Variants in DNAH9 observed in about 807,000 individuals in gnomAD.
DNAH9 encodes DNAH9 variant protein.
Under a neutral mutation model 471.6 loss-of-function variants are expected in DNAH9, and 345 were observed. The ratio of observed to expected loss-of-function variants is 0.73; its 90% CI spans 0.67 to 0.80. The LOEUF (loss-of-function observed/expected upper bound fraction) is 0.80, where lower values mean the gene tolerates loss of function less well. DNAH9 is among the 30% of genes least tolerant of loss of function. The pLI is 0.00. For missense variants in DNAH9, 5,407 were observed against 5,609.2 expected (o/e 0.96, Z 1.15); for synonymous variants, 2,093 against 2,123.6 (o/e 0.99, Z 0.40).
intron 17 of DNAH9, among the ~76,000 whole-genome samples, chr17:11,671,127 G>T (rs2073965273): frequency 1.3e-5 from 2 of 152,246 alleles, no homozygotes; most frequent in South Asian, 4.1e-4. Flanking sequence ...AGATGCCCCA[G>T]GATGGAGCAC....
intron 43 of DNAH9, among the ~76,000 whole-genome samples, chr17:11,805,887 G>T (rs893261671): frequency 1.3e-5 from 2 of 151,650 alleles, no homozygotes; most frequent in African/African-American, 2.4e-5. Context: ...AATGTTTCAC[G>T]CATCCAGACT....
intron 24 of DNAH9, among the ~76,000 whole-genome samples, chr17:11,703,934 C>T (rs532563938): frequency 1.3e-5 from 2 of 152,162 alleles, no homozygotes. Flanking sequence ...TAGAAGGCAC[C>T]GGCCTTGATC....
intron 28 of DNAH9, among the ~76,000 whole-genome samples, chr17:11,730,529 T>A (rs527793395): frequency 1.1e-4 from 16 of 152,296 alleles, no homozygotes; most frequent in Admixed American, 3.3e-4. Context: ...GAATAAGGAA[T>A]AATGCCAGTG....
At chr17:11,690,544 T>C in intron 20 of DNAH9, 108 bp downstream of exon 20, 1 of 1,077,704 alleles carries the variant, frequency 9.3e-7, no homozygotes, top group Non-Finnish European at 1.3e-6. Flanking sequence ...CCTCCTTGCT[T>C]TGACTTTACT....
intron 68 of DNAH9, 65 bp from the exon 69 acceptor site, chr17:11,969,235 A>G (rs1344911915): frequency 4.2e-6 from 6 of 1,443,030 alleles, no homozygotes; most frequent in Non-Finnish European, 5.8e-6. Context: ...TGCTGACAAG[A>G]GCAAGGCTGG....
At chr17:11,606,620 T>A (rs1282914536) in intron 1 of DNAH9, among the ~76,000 whole-genome samples, 1 of 151,378 alleles carries the variant, frequency 6.6e-6, no homozygotes, top group Non-Finnish European at 1.5e-5. Context: ...CGGCTAATTT[T>A]TTGTATTTTA....
At chr17:11,651,414 C>T in intron 13 of DNAH9, 90 bp downstream of exon 13, 1 of 1,349,538 alleles carries the variant, frequency 7.4e-7, no homozygotes, top group Admixed American at 2.2e-5. Flanking sequence ...CCCTGGTAAT[C>T]TTATTTGGGG....
rs2072316966 is a variant in DNAH9, at chr17:11,598,791, C to G, written c.293C>G (p.Ala98Gly). The stretch of plus-strand genomic sequence containing the variant: ...GGACCTGAGTCGGGCCTGGCTGGCG[C>G]TAAGGCGCTTTTTTTCCTTCGCACC... ...EVGPESGLAGAKALFFLRTGP... is the reference protein window; with the variant it reads ...EVGPESGLAGGKALFFLRTGP... The change falls in exon 1 of 69, where the codon GCT (alanine) becomes GGT (glycine). Residue 98 changes from alanine (A) to glycine (G), a missense_variant. Coordinates refer to ENST00000262442, the MANE Select transcript of DNAH9 (RefSeq NM_001372.4). 2.7e-6 allele frequency: 4 copies of G among 1,476,592 alleles called. No homozygotes were observed. The highest frequency in any genetic ancestry group is 3.6e-6 in the Non-Finnish European group (4 of 1,117,378). 91.5% of individuals were successfully genotyped at this position (1,476,592 alleles called of 1,614,324 possible). A position where few individuals can be genotyped will look rare whatever the true frequency, so the allele number is the denominator to read the frequency against.
At chr17:11,670,033 G>T (rs182926613) in intron 17 of DNAH9, among the ~76,000 whole-genome samples, 5 of 152,262 alleles carry the variant, frequency 3.3e-5, no homozygotes, top group Admixed American at 6.5e-5. Context: ...TGAAAGGCAC[G>T]TGGTTAAGTG....
chr17:11,919,180 G>T (rs1423953185), intron 61 of DNAH9, among the ~76,000 whole-genome samples: 1 of 151,692 alleles, frequency 6.6e-6, no homozygotes, highest in African/African-American at 2.4e-5. Flanking sequence ...TAAGACAGTA[G>T]AGCAAACTGC....
In DNAH9 at chr17:11,670,334, A is replaced by G. The variant is rs145894735; in HGVS notation, c.3353+540A>G. Among the ~76,000 whole-genome samples, 602 of 152,316 alleles carry G rather than the reference A, an allele frequency of 4.0e-3. 5 individuals are homozygous for G. The highest frequency in any genetic ancestry group is 0.014 in the African/African-American group (569 of 41,570). On this transcript the variant is annotated intron_variant, in intron 17 of 68. Transcript: ENST00000262442. ...AGCACTAGGCTCTCTAAGCCAGAGC[A>G]TCATCCTCTGAATGAATAATCCATG... is the stretch of plus-strand genomic sequence containing the variant.
chr17:11,825,619 G>A (rs1311716311), intron 48 of DNAH9, among the ~76,000 whole-genome samples: 2 of 152,190 alleles, frequency 1.3e-5, no homozygotes, highest in Non-Finnish European at 2.9e-5. Flanking sequence ...AGCTCTAGCT[G>A]CACATAGTGG....
chr17:11,716,084 T>C (rs1018551208), intron 26 of DNAH9, among the ~76,000 whole-genome samples: 8 of 110,628 alleles, frequency 7.2e-5, no homozygotes, highest in Admixed American at 2.7e-4. Flanking sequence ...TTCTTTCTCT[T>C]TTTTTTTTTT....
At chr17:11,945,609 A>G (rs1185385392) in intron 67 of DNAH9, among the ~76,000 whole-genome samples, 1 of 152,012 alleles carries the variant, frequency 6.6e-6, no homozygotes, top group African/African-American at 2.4e-5. Flanking sequence ...ACAGACATAC[A>G]AAGTGGAATA....
At chr17:11,953,242 GCT>G (rs1303116895) in intron 67 of DNAH9, among the ~76,000 whole-genome samples, 1 of 152,110 alleles carries the variant, frequency 6.6e-6, no homozygotes, top group Non-Finnish European at 1.5e-5. Flanking sequence ...CAGAGAAGTT[GCT>G]GCATTAGCCT....
At chr17:11,742,119 C>T (rs2075441403) in intron 29 of DNAH9, 56 bp from the exon 30 acceptor site, 1 of 1,562,726 alleles carries the variant, frequency 6.4e-7, no homozygotes, top group Admixed American at 1.7e-5. Context: ...CTTGCAGTCT[C>T]CTCTTCAACA....
At chr17:11,958,496 C>T (rs1975791531) in intron 67 of DNAH9, among the ~76,000 whole-genome samples, 1 of 152,092 alleles carries the variant, frequency 6.6e-6, no homozygotes, top group Admixed American at 6.6e-5. Flanking sequence ...ATGGTAGATA[C>T]ATGTCATTAT....
chr17:11,815,849 A>G (rs145208237), intron 45 of DNAH9, among the ~76,000 whole-genome samples: 37 of 152,268 alleles, frequency 2.4e-4, no homozygotes, highest in African/African-American at 8.9e-4. Context: ...TTAGTTCCCA[A>G]CTGGTTGCAG....
chr17:11,753,952 C>T (rs978311968), intron 33 of DNAH9, among the ~76,000 whole-genome samples: 1 of 152,004 alleles, frequency 6.6e-6, no homozygotes, highest in Non-Finnish European at 1.5e-5. Flanking sequence ...TTTTCTGCAC[C>T]TCTCCCTCCT....
Sources: gnomAD v4.1 joint callset for allele counts (sites outside exome capture counted in the v4.1 genomes callset) on GRCh38, gnomAD v4.1.1 for gene constraint, MANE v1.5 for transcripts, NCBI Gene and HGNC (gene_info 2026-07-23, HGNC 2026-07-21) for gene names.